RXRA: variants seen among roughly 807,000 people sequenced by gnomAD.
RXRA encodes retinoic acid receptor RXR-alpha.
Under a neutral mutation model 44.5 loss-of-function variants are expected in RXRA, and 5 were observed. That is an observed-to-expected ratio of 0.11 (90% CI 0.06 to 0.24). RXRA has a LOEUF of 0.24. Ranked by LOEUF, RXRA falls within the 10% of genes least tolerant of loss-of-function variation. The pLI is 1.00. For missense variants in RXRA, 412 were observed against 646.5 expected (o/e 0.64, Z 3.93); for synonymous variants, 291 against 271.4 (o/e 1.07, Z -0.71).
At chr9:134,435,049 T>C (rs1434585719) in intron 9 of RXRA, among the ~76,000 whole-genome samples, 10 of 152,232 alleles carry the variant, frequency 6.6e-5, no homozygotes, top group Admixed American at 5.2e-4. Flanking sequence ...TTTCCTGGCT[T>C]TCTGCCCTGG....
chr9:134,379,587 G>C lies in RXRA; in HGVS notation c.29-22045G>C, dbSNP rs1830610652. On this transcript the variant is annotated intron_variant, in intron 1 of 9. Transcript: ENST00000481739. ...GGGGGGCTTGCTCCAGGCCTTGGGT[G>C]ATGCTCCTGTGCTCCCTGACAGCCG... The C allele has an allele frequency of 5.1e-6, 5 of 985,350 alleles. No individual in the cohort carries two copies. The South Asian group carries it at 2.3e-4, about 46-fold the overall frequency. 61.0% of individuals were successfully genotyped at this position (985,350 alleles called of 1,614,324 possible).
intron 1 of RXRA, among the ~76,000 whole-genome samples, chr9:134,353,674 G>A (rs1830249006): frequency 6.6e-6 from 1 of 152,366 alleles, no homozygotes; most frequent in East Asian, 1.9e-4. Flanking sequence ...GGGTGGCAGG[G>A]CAGAGGTGCC....
chr9:134,432,120 G>T (rs1003600851), intron 8 of RXRA, 124 bp downstream of exon 8: 1 of 672,124 alleles, frequency 1.5e-6, no homozygotes, highest in Non-Finnish European at 2.6e-6. Context: ...CCCTCCTTGA[G>T]CTCAGTGTGC....
intron 5 of RXRA, among the ~76,000 whole-genome samples, chr9:134,421,127 T>G (rs943016187): frequency 1.3e-5 from 2 of 152,228 alleles, no homozygotes; most frequent in African/African-American, 4.8e-5. Context: ...TGGGAGAGAC[T>G]CGTGCGTCCT....
chr9:134,344,616 CG>C (rs1830127988), intron 1 of RXRA, among the ~76,000 whole-genome samples: 1 of 152,148 alleles, frequency 6.6e-6, no homozygotes, highest in Non-Finnish European at 1.5e-5. Context: ...CCCCACCTCC[CG>C]GGCCTCTGAG....
rs962785762 is a variant in RXRA at position 134,407,537 on chromosome 9, G to C, written c.280-612G>C. 1.3e-5 allele frequency among the ~76,000 whole-genome samples: 2 copies of C among 152,230 alleles called. No individual in the cohort carries two copies. Among genetic ancestry groups the C allele is most frequent in the Non-Finnish European group, 2.9e-5 (2 of 68,032 alleles). ...CCGGGCGGCAGCGTGCGGGCCGGCG[G>C]GTGGGGCGGAGGGGTGTGCAGAGAG... On this transcript the variant is annotated intron_variant, in intron 2 of 9. Transcript: ENST00000481739. The surrounding 1 kb of genome is among the most constrained non-coding windows in gnomAD (Gnocchi z 4.8).
rs144285542 is a variant in RXRA at position 134,330,607 on chromosome 9, C to T, written c.28+3948C>T. Among the ~76,000 whole-genome samples the T allele has an allele frequency of 5.4e-3, 817 of 152,352 alleles. 7 individuals carry two copies. Among genetic ancestry groups the T allele is most frequent in the African/African-American group, 0.018 (753 of 41,574 alleles). ...GGGTGCAGCTCTGTCTTTCATCCTT[C>T]CTTCCTCTCCTCTGCCCCCTCCCAT... On this transcript the variant is annotated intron_variant, in intron 1 of 9. Coordinates refer to ENST00000481739, the MANE Select transcript of RXRA (RefSeq NM_002957.6).
chr9:134,396,379 C>G (rs1380946669), intron 1 of RXRA, among the ~76,000 whole-genome samples: 1 of 152,152 alleles, frequency 6.6e-6, no homozygotes, highest in Non-Finnish European at 1.5e-5. Flanking sequence ...CATCCCTGTC[C>G]CCGCCAGCGC....
At chr9:134,397,949 GC>G (rs1438081436) in intron 1 of RXRA, among the ~76,000 whole-genome samples, 8 of 152,166 alleles carry the variant, frequency 5.3e-5, no homozygotes, top group Admixed American at 1.3e-4. Flanking sequence ...GGTAACAAGT[GC>G]CCCTGCAAGT....
At chr9:134,340,055 C>T (rs1420227171) in intron 1 of RXRA, among the ~76,000 whole-genome samples, 2 of 152,044 alleles carry the variant, frequency 1.3e-5, no homozygotes, top group Admixed American at 1.3e-4. Flanking sequence ...GTCCCTCTGT[C>T]CCTGTCCCTG....
intron 1 of RXRA, among the ~76,000 whole-genome samples, chr9:134,362,137 G>C (rs771363314): frequency 6.6e-6 from 1 of 152,162 alleles, no homozygotes; most frequent in Non-Finnish European, 1.5e-5. Context: ...GGCCTTCTGT[G>C]CGGGTTGGGA....
intron 1 of RXRA, among the ~76,000 whole-genome samples, chr9:134,338,634 G>A (rs1247835339): frequency 2.0e-5 from 3 of 152,240 alleles, no homozygotes; most frequent in Non-Finnish European, 2.9e-5. Flanking sequence ...GTGGGGGCAG[G>A]GGAGGGGCTG....
chr9:134,368,119 C>T (rs906526524), intron 1 of RXRA, among the ~76,000 whole-genome samples: 7 of 152,234 alleles, frequency 4.6e-5, no homozygotes, highest in South Asian at 2.1e-4. Flanking sequence ...CCCCTCCCCC[C>T]GGGACTCCCT....
At chr9:134,371,756 A>G (rs1277243458) in intron 1 of RXRA, among the ~76,000 whole-genome samples, 1 of 152,106 alleles carries the variant, frequency 6.6e-6, no homozygotes, top group African/African-American at 2.4e-5. Context: ...CCTGAGGATG[A>G]GGGTCATCAA....
chr9:134,330,562 C>T (rs868978954), intron 1 of RXRA, among the ~76,000 whole-genome samples: 1 of 152,220 alleles, frequency 6.6e-6, no homozygotes, highest in African/African-American at 2.4e-5. Flanking sequence ...GCCCACCTGC[C>T]TGTATGTTTC....
In RXRA at chr9:134,365,794, A is replaced by G. The variant is rs1233194795; in HGVS notation, c.29-35838A>G. 6.6e-6 allele frequency among the ~76,000 whole-genome samples: 1 copy of G among 151,722 alleles called. No individual in the cohort carries two copies. The highest frequency in any genetic ancestry group is 2.4e-5 in the African/African-American group (1 of 41,264). On this transcript the variant is annotated intron_variant, in intron 1 of 9. Transcript: ENST00000481739. The surrounding 1 kb of genome is among the most constrained non-coding windows in gnomAD (Gnocchi z 4.0). ...AGGTGCCCCAGGGGAAGGGAGGGCC[A>G]GCCCAGAAGGACCCTCCCATTACCC...
rs1287661880 is a variant in RXRA, at chr9:134,407,927, C to T, written c.280-222C>T. 3.9e-5 allele frequency among the ~76,000 whole-genome samples: 6 copies of T among 151,902 alleles called. No homozygotes were observed. Among genetic ancestry groups the T allele is most frequent in the African/African-American group, 9.7e-5 (4 of 41,338 alleles). On this transcript the variant is annotated intron_variant, in intron 2 of 9. Coordinates refer to ENST00000481739, the MANE Select transcript of RXRA (RefSeq NM_002957.6). The surrounding 1 kb of genome is among the most constrained non-coding windows in gnomAD (Gnocchi z 4.8). Reference sequence around the variant, plus strand: ...ACAGAGGCCTGGGGTCTGCTGCGGGCGAGTCCTGAGGTTGCCACAGCCTCT... The same window carrying T: ...ACAGAGGCCTGGGGTCTGCTGCGGGTGAGTCCTGAGGTTGCCACAGCCTCT...
At chr9:134,356,490 G>A (rs1351007334) in intron 1 of RXRA, among the ~76,000 whole-genome samples, 1 of 152,136 alleles carries the variant, frequency 6.6e-6, no homozygotes, top group Non-Finnish European at 1.5e-5. Flanking sequence ...CAGGGCTTTC[G>A]GGGTATATAG....
rs1275674719 is a variant in RXRA at position 134,349,537 on chromosome 9, A to G, written c.28+22878A>G. 1.3e-5 allele frequency among the ~76,000 whole-genome samples: 2 copies of G among 151,990 alleles called. No homozygotes were observed. The highest frequency in any genetic ancestry group is 1.3e-4 in the Admixed American group (2 of 15,262). ...GGCCCTGAAGCTCGTGGCGGGCAGG[A>G]GTGTGCACGGACAGGGACCCAGCAA... On this transcript the variant is annotated intron_variant, in intron 1 of 9. Coordinates refer to ENST00000481739, the MANE Select transcript of RXRA (RefSeq NM_002957.6). This position sits in a 1 kb window ranked among gnomAD's most constrained non-coding sequence, Gnocchi z 4.3.
Sources: allele counts gnomAD v4.1 joint callset (sites outside exome capture counted in the v4.1 genomes callset), GRCh38; gene constraint gnomAD v4.1.1; non-coding constraint Gnocchi (gnomAD v3.1); transcripts MANE v1.5; gene names NCBI Gene and HGNC (gene_info 2026-07-23, HGNC 2026-07-21).